MSI2: variants seen among roughly 807,000 people sequenced by gnomAD.
MSI2 encodes RNA-binding protein Musashi homolog 2.
Under a neutral mutation model 45.6 loss-of-function variants are expected in MSI2, and 17 were observed. The observed-to-expected ratio is 0.37, with a 90% CI of 0.26 to 0.56. The LOEUF is 0.56. Ranked by LOEUF, MSI2 falls within the 20% of genes least tolerant of loss-of-function variation. MSI2 has a pLI of 0.77. For missense variants in MSI2, 293 were observed against 444.2 expected (o/e 0.66, Z 3.06); for synonymous variants, 156 against 158.2 (o/e 0.99, Z 0.11).
At chr17:57,678,837 C>T (rs1024614878) in intron 13 of MSI2, among the ~76,000 whole-genome samples, 22 of 152,332 alleles carry the variant, frequency 1.4e-4, no homozygotes, top group African/African-American at 4.3e-4. Flanking sequence ...TGGCTGCACC[C>T]GCAGCACTTA....
chr17:57,264,960 A>G (rs1907644956), intron 5 of MSI2: 1 of 152,210 alleles, frequency 6.6e-6, no homozygotes, highest in Non-Finnish European at 1.5e-5. Context: ...ACTGTCTTGT[A>G]TCTTTTGATC....
Position 57,335,025 on chromosome 17 carries a change from A to G in MSI2, c.313-66354A>G, listed in dbSNP as rs1914587932. On this transcript the variant is annotated intron_variant, in intron 5 of 13. Transcript: ENST00000284073. ...TTTAAAATAAGCATAATCTTTGTCTACTAGCTGGCTGTCCTGCCAGAATTG... is the reference window on the plus strand; with the variant it reads ...TTTAAAATAAGCATAATCTTTGTCTGCTAGCTGGCTGTCCTGCCAGAATTG... Among the ~76,000 whole-genome samples the G allele has an allele frequency of 2.0e-5, 3 of 151,896 alleles. No homozygotes were observed. The South Asian group carries it at 6.2e-4, about 32-fold the overall frequency.
chr17:57,345,063 A>C (rs79830053), intron 5 of MSI2, among the ~76,000 whole-genome samples: 4 of 149,224 alleles, frequency 2.7e-5, no homozygotes, highest in Non-Finnish European at 4.5e-5. Context: ...ACTCCGTCTC[A>C]AAAAAAAAAG....
chr17:57,495,897 T>G (rs2143833715), intron 6 of MSI2, among the ~76,000 whole-genome samples: 1 of 152,364 alleles, frequency 6.6e-6, no homozygotes, highest in Middle Eastern at 3.4e-3. Context: ...AGAATACAGT[T>G]ATATATCCTC....
At chr17:57,653,756 G>A (rs77459564) in intron 11 of MSI2, among the ~76,000 whole-genome samples, 24 of 151,882 alleles carry the variant, frequency 1.6e-4, no homozygotes, top group South Asian at 4.2e-4. Flanking sequence ...ACCCCACCCC[G>A]TTCTCCTTGA....
intron 5 of MSI2, among the ~76,000 whole-genome samples, chr17:57,341,577 C>G (rs151180019): frequency 1.3e-5 from 2 of 152,330 alleles, no homozygotes; most frequent in Non-Finnish European, 2.9e-5. Flanking sequence ...CTCTTTCACT[C>G]CCTGGTACAT....
At chr17:57,261,334 G>A (rs187011517) in intron 4 of MSI2, among the ~76,000 whole-genome samples, 1 of 151,486 alleles carries the variant, frequency 6.6e-6, no homozygotes, top group East Asian at 1.9e-4. Flanking sequence ...ACTAGATTCT[G>A]ACTACTTCTT....
At chr17:57,458,132 G>A (rs959904161) in intron 6 of MSI2, among the ~76,000 whole-genome samples, 8 of 132,826 alleles carry the variant, frequency 6.0e-5, no homozygotes, top group Admixed American at 5.2e-4. Context: ...ATGGAGTCTC[G>A]CTCTGTCGCC....
chr17:57,351,600 A>G lies in MSI2; in HGVS notation c.313-49779A>G, dbSNP rs141017449. On this transcript the variant is annotated intron_variant, in intron 5 of 13. Coordinates refer to ENST00000284073, the MANE Select transcript of MSI2 (RefSeq NM_138962.4). ...GCCAGGTGCAACGGCTCATGCCTGT[A>G]ATCCCAGCACTTTGGGAGGCCTAGG... is the stretch of plus-strand genomic sequence containing the variant. Among the ~76,000 whole-genome samples, 714 of 152,344 alleles carry G rather than the reference A, an allele frequency of 4.7e-3. 5 individuals carry two copies. Among genetic ancestry groups the G allele is most frequent in the African/African-American group, 0.016 (680 of 41,584 alleles).
At chr17:57,476,044 C>T (rs938169983) in intron 6 of MSI2, among the ~76,000 whole-genome samples, 7 of 152,136 alleles carry the variant, frequency 4.6e-5, no homozygotes, top group African/African-American at 9.7e-5. Context: ...TTGTTGTCAG[C>T]GCTGCAGAAT....
At chr17:57,564,008 G>A (rs111959483) in intron 7 of MSI2, among the ~76,000 whole-genome samples, 92 of 152,242 alleles carry the variant, frequency 6.0e-4, no homozygotes, top group African/African-American at 1.9e-3. Context: ...TTTCCCAAGC[G>A]CAGCCTGATG....
chr17:57,502,636 T>TATATATATATATATAG lies in MSI2; in HGVS notation c.406-27039_406-27038insTATATATATATATAGA. Among the ~76,000 whole-genome samples the TATATATATATATATAG allele has an allele frequency of 7.9e-3, 765 of 96,492 alleles. 22 individuals are homozygous for TATATATATATATATAG. Among genetic ancestry groups the TATATATATATATATAG allele is most frequent in the Non-Finnish European group, 0.01 (477 of 46,292 alleles). 63.3% of individuals were successfully genotyped at this position (96,492 alleles called of 152,430 possible). A position where few individuals can be genotyped will look rare whatever the true frequency, so the allele number is the denominator to read the frequency against. Reference sequence around the variant, plus strand: ...ATATATATATATATATATATATATATAGTCATCATTCTGTCATGCAGGAAG... The same window carrying TATATATATATATATAG: ...ATATATATATATATATATATATATATATATATATATATATAGAGTCATCATTCTGTCATGCAGGAAG... On this transcript the variant is annotated intron_variant, in intron 6 of 13. Transcript: ENST00000284073.
chr17:57,562,724 A>C (rs2087608760), intron 7 of MSI2, among the ~76,000 whole-genome samples: 1 of 152,254 alleles, frequency 6.6e-6, no homozygotes, highest in South Asian at 2.1e-4. Context: ...CTAACAAATC[A>C]GATCCTCAGG....
At chr17:57,323,920 A>G (rs1316853991) in intron 5 of MSI2, among the ~76,000 whole-genome samples, 1 of 152,066 alleles carries the variant, frequency 6.6e-6, no homozygotes, top group Non-Finnish European at 1.5e-5. Context: ...AGATGGTTTT[A>G]TTTTTGGTGA....
intron 5 of MSI2, among the ~76,000 whole-genome samples, chr17:57,314,895 C>T (rs758309466): frequency 2.5e-4 from 38 of 152,130 alleles, no homozygotes; most frequent in Non-Finnish European, 4.3e-4. Flanking sequence ...GAAGATGCCC[C>T]AAGTAAATCA....
At chr17:57,634,158 A>T (rs1298472543) in intron 10 of MSI2, among the ~76,000 whole-genome samples, 2 of 152,238 alleles carry the variant, frequency 1.3e-5, no homozygotes, top group African/African-American at 4.8e-5. Context: ...TGAGACAGGC[A>T]CTTCACTAGA....
At chr17:57,322,823 AG>A (rs1191407232) in intron 5 of MSI2, among the ~76,000 whole-genome samples, 1 of 152,160 alleles carries the variant, frequency 6.6e-6, no homozygotes, top group East Asian at 1.9e-4. Flanking sequence ...TTTTCAAGAC[AG>A]AAAGCCCAGC....
intron 5 of MSI2, among the ~76,000 whole-genome samples, chr17:57,371,928 C>T (rs2083427414): frequency 6.6e-6 from 1 of 150,828 alleles, no homozygotes; most frequent in African/African-American, 2.4e-5. Context: ...ATCTCCTTTA[C>T]AATATCAAAA....
chr17:57,694,780 C>A, the MSI2 span, among the ~76,000 whole-genome samples: 1 of 152,298 alleles, frequency 6.6e-6, no homozygotes, highest in Admixed American at 6.5e-5. Flanking sequence ...GACTTAAGTT[C>A]CATGAACTCC....
Sources: allele counts gnomAD v4.1 joint callset (sites outside exome capture counted in the v4.1 genomes callset), GRCh38; gene constraint gnomAD v4.1.1; transcripts MANE v1.5; gene names NCBI Gene and HGNC (gene_info 2026-07-23, HGNC 2026-07-21).